The following BTBD10 variants were observed in gnomAD, a reference collection of about 807,000 sequenced individuals.
BTBD10 encodes BTB domain containing 10.
A neutral mutation model predicts 53.2 loss-of-function variants in BTBD10; 21 were observed. That is an observed-to-expected ratio of 0.39 (90% confidence interval 0.28 to 0.57). The LOEUF is 0.57. BTBD10 is among the 20% of genes least tolerant of loss of function. The probability of loss-of-function intolerance (pLI) is 0.53; values close to 1 mark genes in which losing one functional copy is unlikely to be tolerated. For missense variants in BTBD10, 360 were observed against 594.7 expected (o/e 0.61, Z 4.10); for synonymous variants, 149 against 192.7 (o/e 0.77, Z 1.88).
intron 8 of BTBD10, among the ~76,000 whole-genome samples, chr11:13,402,146 GC>G (rs750701845): frequency 1.3e-4 from 20 of 152,072 alleles, no homozygotes; most frequent in African/African-American, 2.4e-5. Flanking sequence ...TCATATATCA[GC>G]AATTCCACTG....
At chr11:13,412,406 T>C (rs562378744) in intron 6 of BTBD10, among the ~76,000 whole-genome samples, 2 of 152,184 alleles carry the variant, frequency 1.3e-5, no homozygotes, top group East Asian at 3.9e-4. Context: ...TGAGCTGAGA[T>C]TGCACCACTG....
chr11:13,422,509 G>A (rs1307100801), intron 2 of BTBD10, among the ~76,000 whole-genome samples: 2 of 152,086 alleles, frequency 1.3e-5, no homozygotes, highest in African/African-American at 2.4e-5. Flanking sequence ...TCAGCTGGGT[G>A]TGGTGGCACA....
In BTBD10 at chr11:13,396,038, A is replaced by G. The variant is rs1174257233; in HGVS notation, c.1118-6897T>C. Among the ~76,000 whole-genome samples the G allele has an allele frequency of 1.1e-4, 17 of 152,100 alleles. No homozygotes were observed. The South Asian group carries it at 2.9e-3, about 26-fold the overall frequency. Reference sequence around the variant, plus strand: ...GCAATGCGGGCTCTTTTTTGGTTCCATATGAACTTTAAAGTAGTTTTTTCC... The same window carrying G: ...GCAATGCGGGCTCTTTTTTGGTTCCGTATGAACTTTAAAGTAGTTTTTTCC... On this transcript the variant is annotated intron_variant, in intron 8 of 8. Coordinates refer to ENST00000278174, the MANE Select transcript of BTBD10 (RefSeq NM_032320.7).
chr11:13,438,411 T>G (rs528762512), intron 2 of BTBD10, among the ~76,000 whole-genome samples: 6 of 152,154 alleles, frequency 3.9e-5, no homozygotes, highest in African/African-American at 1.4e-4. Context: ...TTGGAGATAT[T>G]TATGCTGTGA....
intron 8 of BTBD10, among the ~76,000 whole-genome samples, chr11:13,394,257 C>G (rs952655297): frequency 1.3e-5 from 2 of 152,160 alleles, no homozygotes; most frequent in African/African-American, 4.8e-5. Flanking sequence ...CCCAACGTGT[C>G]AGGAGAGGGG....
chr11:13,445,975 A>G (rs1365377567), intron 1 of BTBD10, among the ~76,000 whole-genome samples: 5 of 152,194 alleles, frequency 3.3e-5, no homozygotes, highest in African/African-American at 1.2e-4. Flanking sequence ...TCAGAATTTT[A>G]GTAACTTTGC....
intron 2 of BTBD10, among the ~76,000 whole-genome samples, chr11:13,430,386 A>G (rs116142308): frequency 0.014 from 2,087 of 152,344 alleles, 43 homozygotes; most frequent in African/African-American, 0.047. Flanking sequence ...TGATGAGTAC[A>G]TGTATGAAAT....
At chr11:13,416,685 A>G (rs754899669) in intron 5 of BTBD10, among the ~76,000 whole-genome samples, 1 of 152,116 alleles carries the variant, frequency 6.6e-6, no homozygotes, top group African/African-American at 2.4e-5. Flanking sequence ...GTACTAAAAT[A>G]AAGATGAGAG....
intron 8 of BTBD10, 100 bp from the exon 9 acceptor site, chr11:13,389,241 A>G (rs1340892260): frequency 1.1e-6 from 1 of 951,346 alleles, no homozygotes; most frequent in African/African-American, 1.7e-5. Context: ...TAAAGAAACA[A>G]ATTTAAAACA....
chr11:13,416,232 T>A (rs1157803316), intron 5 of BTBD10, among the ~76,000 whole-genome samples: 1 of 151,742 alleles, frequency 6.6e-6, no homozygotes, highest in Non-Finnish European at 1.5e-5. Context: ...CACACACCTA[T>A]GGTCCCAGCT....
chr11:13,405,268 G>A lies in BTBD10; in HGVS notation c.1006+391C>T, dbSNP rs147502827. ...AATGAGTTAAAGCTTCCAAATTTAC[G>A]TAAAAAAACTCATTTTTTAAACAAG... is the stretch of plus-strand genomic sequence containing the variant. On this transcript the variant is annotated intron_variant, in intron 7 of 8. Coordinates refer to ENST00000278174, the MANE Select transcript of BTBD10 (RefSeq NM_032320.7). 523 of 155,366 alleles carry A rather than the reference G, an allele frequency of 3.4e-3. 3 individuals carry two copies. The highest frequency in any genetic ancestry group is 0.011 in the African/African-American group (468 of 41,600). 9.6% of individuals were successfully genotyped at this position (155,366 alleles called of 1,614,324 possible). A position where few individuals can be genotyped will look rare whatever the true frequency, so the allele number is the denominator to read the frequency against.
chr11:13,429,444 C>T (rs1191813803), intron 2 of BTBD10, among the ~76,000 whole-genome samples: 1 of 152,058 alleles, frequency 6.6e-6, no homozygotes, highest in Non-Finnish European at 1.5e-5. Context: ...ATGACAGGCA[C>T]ATAGATCAAT....
At chr11:13,453,652 C>T (rs1950908876) in intron 1 of BTBD10, among the ~76,000 whole-genome samples, 1 of 152,134 alleles carries the variant, frequency 6.6e-6, no homozygotes, top group Admixed American at 6.5e-5. Flanking sequence ...CACATGTACC[C>T]CATTAGACTA....
intron 2 of BTBD10, among the ~76,000 whole-genome samples, chr11:13,425,957 T>C (rs913659259): frequency 7.2e-5 from 11 of 152,044 alleles, no homozygotes; most frequent in African/African-American, 2.4e-4. Context: ...ATTAACAAAT[T>C]TGAAGACAAC....
At chr11:13,458,106 A>C (rs1429742670) in intron 1 of BTBD10, among the ~76,000 whole-genome samples, 1 of 145,100 alleles carries the variant, frequency 6.9e-6, no homozygotes, top group Admixed American at 7.1e-5. Context: ...GTTCAAGGTC[A>C]GCCTGGACAA....
chr11:13,438,156 T>C (rs1226671119), intron 2 of BTBD10, among the ~76,000 whole-genome samples: 2 of 152,128 alleles, frequency 1.3e-5, no homozygotes, highest in South Asian at 2.1e-4. Context: ...TTAAATGTAA[T>C]ATAAGAAACC....
At chr11:13,411,428 G>A (rs1394214210) in intron 6 of BTBD10, among the ~76,000 whole-genome samples, 1 of 152,054 alleles carries the variant, frequency 6.6e-6, no homozygotes, top group Non-Finnish European at 1.5e-5. Flanking sequence ...ATTTTTACAA[G>A]ACCACTTCCA....
At chr11:13,417,437 T>C (rs963570512) in intron 4 of BTBD10, among the ~76,000 whole-genome samples, 177 bp from the exon 5 acceptor site, 1 of 152,210 alleles carries the variant, frequency 6.6e-6, no homozygotes, top group East Asian at 1.9e-4. Context: ...CATTTTCTTT[T>C]TGATGGTAGG....
At chr11:13,427,082 T>C (rs1366205080) in intron 2 of BTBD10, among the ~76,000 whole-genome samples, 2 of 152,150 alleles carry the variant, frequency 1.3e-5, no homozygotes, top group Non-Finnish European at 2.9e-5. Context: ...CTGGGTGTGG[T>C]GGCACATGCC....
Sources: gnomAD v4.1 joint callset for allele counts (sites outside exome capture counted in the v4.1 genomes callset) on GRCh38, gnomAD v4.1.1 for gene constraint, MANE v1.5 for transcripts, NCBI Gene and HGNC (gene_info 2026-07-23, HGNC 2026-07-21) for gene names.